Variants in SLCO1A2 observed in about 807,000 individuals in gnomAD.
The protein encoded by SLCO1A2 is solute carrier organic anion transporter family member 1A2.
A neutral mutation model predicts 69.0 loss-of-function variants in SLCO1A2; 67 were observed. That is an observed-to-expected ratio of 0.97 (90% CI 0.80 to 1.19). The LOEUF (loss-of-function observed/expected upper bound fraction) is 1.19, where lower values mean the gene tolerates loss of function less well. SLCO1A2 is among the 50% of genes most tolerant of loss of function. The pLI is 0.00. For synonymous variants in SLCO1A2, 260 were observed against 265.9 expected, an observed-to-expected ratio of 0.98 and a Z score of 0.22; for missense variants, 787 against 793.7, an observed-to-expected ratio of 0.99 and a Z score of 0.10.
At chr12:21,315,415 T>G (rs1193689457) in intron 3 of SLCO1A2, among the ~76,000 whole-genome samples, 1 of 152,182 alleles carries the variant, frequency 6.6e-6, no homozygotes, top group Non-Finnish European at 1.5e-5. Context: ...GAGTGTGGAA[T>G]AAAGATTTGA....
chr12:21,337,395 A>C (rs1393850318), upstream of SLCO1A2, among the ~76,000 whole-genome samples: 1 of 152,040 alleles, frequency 6.6e-6, no homozygotes, highest in Non-Finnish European at 1.5e-5. Flanking sequence ...GATTGTTAGA[A>C]ATCAACTGGG....
At chr12:21,334,520 TTACC>T (rs1184692297) in intron 2 of SLCO1A2, 64 bp downstream of exon 2, 2 of 1,152,360 alleles carry the variant, frequency 1.7e-6, no homozygotes, top group East Asian at 4.8e-5. Flanking sequence ...AGGAGCAATT[TTACC>T]AGGACTGTCG....
At chr12:21,343,100 T>A (rs1000275709) in intron 2 of SLCO1A2, among the ~76,000 whole-genome samples, 2 of 152,106 alleles carry the variant, frequency 1.3e-5, no homozygotes, top group African/African-American at 4.8e-5. Flanking sequence ...CAGAGGACTG[T>A]GGCACCAGAT....
chr12:21,339,690 A>G (rs959851374), upstream of SLCO1A2, among the ~76,000 whole-genome samples: 22 of 151,956 alleles, frequency 1.4e-4, no homozygotes, highest in Non-Finnish European at 4.4e-5. Flanking sequence ...TCCAAAGGCT[A>G]TATCAGAAAA....
intron 5 of SLCO1A2, among the ~76,000 whole-genome samples, chr12:21,306,618 C>T (rs1428034051): frequency 2.6e-5 from 4 of 152,186 alleles, no homozygotes; most frequent in Non-Finnish European, 5.9e-5. Context: ...TGAGCCACTG[C>T]ACCCGGCCCT....
At chr12:21,343,319 G>T (rs1191585060) in intron 2 of SLCO1A2, among the ~76,000 whole-genome samples, 1 of 152,106 alleles carries the variant, frequency 6.6e-6, no homozygotes, top group Non-Finnish European at 1.5e-5. Flanking sequence ...AATTACAAAT[G>T]AGACTTAATA....
chr12:21,385,067 A>AT (rs1429247372), intron 1 of SLCO1A2, among the ~76,000 whole-genome samples: 4 of 151,956 alleles, frequency 2.6e-5, no homozygotes, highest in South Asian at 4.1e-4. Context: ...GCCCGGCCAG[A>AT]TTTTTTTTAA....
At chr12:21,343,360 C>G (rs1953136638) in intron 2 of SLCO1A2, among the ~76,000 whole-genome samples, 1 of 152,118 alleles carries the variant, frequency 6.6e-6, no homozygotes, top group Non-Finnish European at 1.5e-5. Flanking sequence ...ATGGCAAGGT[C>G]TTGTACGCAG....
intron 2 of SLCO1A2, among the ~76,000 whole-genome samples, chr12:21,362,225 A>G (rs1311235893): frequency 2.0e-5 from 3 of 152,328 alleles, no homozygotes; most frequent in East Asian, 1.9e-4. Flanking sequence ...ACAAGCCAGT[A>G]GAGAGTGGGG....
At chr12:21,312,239 T>G (rs2136647189) in intron 4 of SLCO1A2, among the ~76,000 whole-genome samples, 1 of 152,342 alleles carries the variant, frequency 6.6e-6, no homozygotes, top group Non-Finnish European at 1.5e-5. Flanking sequence ...ACTTTTATGT[T>G]ATAAAGACAG....
chr12:21,369,206 T>C (rs1939608620), intron 2 of SLCO1A2, among the ~76,000 whole-genome samples: 2 of 152,216 alleles, frequency 1.3e-5, no homozygotes, highest in Non-Finnish European at 2.9e-5. Context: ...TTATGAATTA[T>C]ATCCTGACAC....
In SLCO1A2 at chr12:21,383,707, T is replaced by C. The variant is rs139297260; in HGVS notation, c.-189-9182A>G. 1.1e-4 allele frequency among the ~76,000 whole-genome samples: 16 copies of C among 152,258 alleles called. No homozygotes were observed. In the East Asian group the frequency reaches 3.1e-3, roughly 29 times the overall value. On this transcript the variant is annotated intron_variant, in intron 1 of 15. Coordinates refer to the SLCO1A2 transcript ENST00000307378. ...AGTGAGCTTATTTTTATATTTGATA[T>C]GATATTAGTGGTTGGGATTTTGAGA...
intron 1 of SLCO1A2, among the ~76,000 whole-genome samples, chr12:21,403,878 T>C (rs925276551): frequency 3.3e-5 from 5 of 152,218 alleles, no homozygotes; most frequent in African/African-American, 1.2e-4. Context: ...CTTTAACAAG[T>C]GTCTTGTAAA....
chr12:21,319,538 AG>A (rs756543358), intron 2 of SLCO1A2: 12 of 1,167,952 alleles, frequency 1.0e-5, no homozygotes, highest in Non-Finnish European at 1.4e-5. Flanking sequence ...GTTGTGTCTA[AG>A]GCATATAAGC....
chr12:21,278,683 G>A (rs768711080), intron 12 of SLCO1A2, among the ~76,000 whole-genome samples: 15 of 152,074 alleles, frequency 9.9e-5, no homozygotes, highest in South Asian at 2.1e-4. Context: ...TTGGGCTTGC[G>A]GGCCCAAGTC....
chr12:21,375,556 C>G (rs146763938), intron 1 of SLCO1A2, among the ~76,000 whole-genome samples: 1 of 152,302 alleles, frequency 6.6e-6, no homozygotes, highest in East Asian at 1.9e-4. Context: ...TTCCCACCAA[C>G]TTTTTTACAC....
At chr12:21,304,623 C>A in intron 5 of SLCO1A2, 50 bp from the exon 6 acceptor site, 2 of 1,492,002 alleles carry the variant, frequency 1.3e-6, no homozygotes, top group South Asian at 2.5e-5. Context: ...GATAAAGTGT[C>A]AGTAATATTA....
rs1372384965 is a variant in SLCO1A2, at chr12:21,266,220, T to C, written c.*3328A>G. The C allele has an allele frequency of 2.0e-5, 3 of 152,192 alleles. No homozygotes were observed. The highest frequency in any genetic ancestry group is 7.2e-5 in the African/African-American group (3 of 41,450). 9.4% of individuals were successfully genotyped at this position (152,192 alleles called of 1,614,324 possible). On this transcript the variant is annotated 3_prime_UTR_variant, in exon 15 of 15. Transcript: ENST00000683939. ...TTGGTTACAAAACATTTCGAGCTTT[T>C]CTTTAATTACTTAGTCTTTGTCTTG... is the stretch of plus-strand genomic sequence containing the variant.
chr12:21,361,500 G>A (rs187655734), intron 2 of SLCO1A2, among the ~76,000 whole-genome samples: 1 of 152,312 alleles, frequency 6.6e-6, no homozygotes, highest in East Asian at 1.9e-4. Context: ...AAGGAACAGA[G>A]CTCCTTGCCA....
Sources: allele counts gnomAD v4.1 joint callset (sites outside exome capture counted in the v4.1 genomes callset), GRCh38; gene constraint gnomAD v4.1.1; transcripts MANE v1.5; gene names NCBI Gene and HGNC (gene_info 2026-07-23, HGNC 2026-07-21).